Variants in E2F7 observed in about 807,000 individuals in gnomAD.
E2F7 encodes the protein E2F transcription factor 7.
E2F7 carries 35 observed loss-of-function variants against 81.1 expected under a neutral mutation model. That is an observed-to-expected ratio of 0.43 (90% CI 0.33 to 0.57). The LOEUF is 0.57. Among genes scored for constraint, E2F7 ranks in the 20% least tolerant of loss-of-function variants. The pLI, the probability that E2F7 is intolerant of heterozygous loss-of-function variation, is 0.04. For missense variants in E2F7, 961 were observed against 1,093.7 expected, an observed-to-expected ratio of 0.88 and a Z score of 1.71; for synonymous variants, 416 against 416.2, an observed-to-expected ratio of 1.00 and a Z score of 0.01.
rs750775173 is a variant in E2F7, at chr12:77,064,567, A to C, written c.69T>G (p.Val23=). The C allele has an allele frequency of 7.4e-6, 12 of 1,614,164 alleles. No homozygotes were observed. The South Asian group carries it at 1.1e-4, about 15-fold the overall frequency. Residue 23 remains valine (V), a synonymous_variant, in exon 2 of 13, where the codon GTT becomes GTG. Coordinates refer to ENST00000322886, the MANE Select transcript of E2F7 (RefSeq NM_203394.3). ...SPRQPRLDFA[V]EDGENAQKEN... is the part of the protein sequence containing the mutation. Reference sequence around the variant, plus strand: ...CCTTTTGTGCATTTTCCCCATCTTCAACTGCAAAATCTAGTCTGGGCTGCC... The same window carrying C: ...CCTTTTGTGCATTTTCCCCATCTTCCACTGCAAAATCTAGTCTGGGCTGCC...
At chr12:77,055,073 G>A (rs1396452575) in intron 3 of E2F7, among the ~76,000 whole-genome samples, 1 of 152,152 alleles carries the variant, frequency 6.6e-6, no homozygotes, top group African/African-American at 2.4e-5. Flanking sequence ...CAAGCACATA[G>A]GAACTACTGT....
intron 3 of E2F7, among the ~76,000 whole-genome samples, chr12:77,054,084 G>A (rs756832942): frequency 1.2e-4 from 18 of 152,106 alleles, no homozygotes; most frequent in Admixed American, 9.8e-4. Context: ...AGGGTAGAGG[G>A]TGAGAGGAGG....
rs1329975887 is a variant in E2F7 at position 77,028,077 on chromosome 12, G to A, written c.1946C>T (p.Pro649Leu). The change falls in exon 11 of 13, where the codon CCC becomes CTC. Residue 649 changes from proline to leucine, a missense_variant. Pro to Leu is a moderately conservative substitution (Grantham distance 98, BLOSUM62 -3). Coordinates refer to ENST00000322886, the MANE Select transcript of E2F7 (RefSeq NM_203394.3). ...GCCATTCACATGAATGTCTTTGAGG[G>A]GTATAGATGCCCTGTTACCCATAGT... ...PKTMGNRASI[P>L]LKDIHVNGQL... 6.2e-7 allele frequency: 1 copy of A among 1,614,190 alleles called. No individual in the cohort carries two copies. Among genetic ancestry groups the A allele is most frequent in the Non-Finnish European group, 8.5e-7 (1 of 1,180,040 alleles).
At chr12:77,036,744 ATTT>A (rs35187102) in intron 7 of E2F7, among the ~76,000 whole-genome samples, 1 of 136,068 alleles carries the variant, frequency 7.3e-6, no homozygotes. Flanking sequence ...AGAATTCTCC[ATTT>A]TTTTTTTTTT....
intron 4 of E2F7, 33 bp downstream of exon 4, chr12:77,050,543 A>G (rs1408844485): frequency 6.2e-7 from 1 of 1,606,646 alleles, no homozygotes; most frequent in Non-Finnish European, 8.5e-7. Flanking sequence ...CTGTAACTGG[A>G]GACAGACCTC....
Position 77,027,979 on chromosome 12 carries a change from G to A in E2F7, c.2044C>T (p.Pro682Ser). The A allele has an allele frequency of 6.2e-7, 1 of 1,614,152 alleles. No individual in the cohort carries two copies. The highest frequency in any genetic ancestry group is 8.5e-7 in the Non-Finnish European group (1 of 1,180,046). ...NSLVSSEWGN[P>S]SRNTDVEKPS... ...TTTTCAACATCTGTATTTCTTGAAG[G>A]ATTTCCCCACTCAGAAGAAACAAGA... Residue 682 changes from proline (P) to serine (S), a missense_variant, in exon 11 of 13, where the codon CCT becomes TCT. Pro to Ser is a moderately conservative substitution (Grantham distance 74). Transcript: ENST00000322886.
At chr12:77,057,073 G>A (rs1027002250) in intron 2 of E2F7, among the ~76,000 whole-genome samples, 1 of 151,770 alleles carries the variant, frequency 6.6e-6, no homozygotes, top group African/African-American at 2.4e-5. Context: ...ATTTTTTGGA[G>A]ATAGGGTCTC....
chr12:77,057,246 T>C (rs1420061244), intron 2 of E2F7, among the ~76,000 whole-genome samples: 1 of 152,048 alleles, frequency 6.6e-6, no homozygotes, highest in African/African-American at 2.4e-5. Context: ...AGCTAATTTT[T>C]AAAATTTTGT....
chr12:77,041,440 C>G (rs751111111), intron 7 of E2F7, among the ~76,000 whole-genome samples: 1 of 152,140 alleles, frequency 6.6e-6, no homozygotes, highest in Non-Finnish European at 1.5e-5. Context: ...ATCTGCCTGC[C>G]GTGGCCTCCC....
chr12:77,026,025 A>C (rs1281007346), intron 11 of E2F7, 43 bp from the exon 12 acceptor site: 2 of 1,542,808 alleles, frequency 1.3e-6, no homozygotes, highest in African/African-American at 2.8e-5. Context: ...ATATGTCATC[A>C]TGAGGATATC....
chr12:77,059,653 G>C (rs1470293796), intron 2 of E2F7, among the ~76,000 whole-genome samples: 1 of 152,072 alleles, frequency 6.6e-6, no homozygotes, highest in East Asian at 1.9e-4. Flanking sequence ...ACCACTTCCT[G>C]GGAAGCCTCT....
At chr12:77,053,972 A>C (rs989387689) in intron 3 of E2F7, among the ~76,000 whole-genome samples, 2 of 152,188 alleles carry the variant, frequency 1.3e-5, no homozygotes, top group African/African-American at 4.8e-5. Flanking sequence ...AGTCTATCAA[A>C]AGGTAATAAA....
At position 77,047,101 on chromosome 12, in the gene E2F7, G is replaced by A. The variant is rs12581546; in HGVS notation, c.539-773C>T. ...CAGTACAAGCTGATCACGAAGCTCCGCAGCTCACTACTCACTTTCCCAACA... is the reference window on the plus strand; with the variant it reads ...CAGTACAAGCTGATCACGAAGCTCCACAGCTCACTACTCACTTTCCCAACA... On this transcript the variant is annotated intron_variant, in intron 4 of 12. Transcript: ENST00000322886. 3.7e-4 allele frequency among the ~76,000 whole-genome samples: 57 copies of A among 152,138 alleles called. 1 individual carries two copies. Among genetic ancestry groups the A allele is most frequent in the East Asian group, 3.3e-3 (17 of 5,178 alleles).
chr12:77,034,125 C>G, intron 7 of E2F7, 83 bp from the exon 8 acceptor site: 3 of 1,211,210 alleles, frequency 2.5e-6, no homozygotes, highest in Non-Finnish European at 3.4e-6. Flanking sequence ...TGGCTTTGAA[C>G]CTATAATTGT....
At position 77,022,948 on chromosome 12, in the gene E2F7, C is replaced by A. The variant is rs1027275931; in HGVS notation, c.*1067G>T. 2 of 152,190 alleles carry A rather than the reference C, an allele frequency of 1.3e-5. No individual in the cohort carries two copies. Among genetic ancestry groups the A allele is most frequent in the African/African-American group, 4.8e-5 (2 of 41,432 alleles). The allele number at this position is 152,190 out of a possible 1,614,324, so 9.4% of individuals were successfully genotyped here. ...AAACATATGTCCATTTTCCCTCTTA[C>A]TCTTCTGGACATGAAGTAGAAGAAA... On this transcript the variant is annotated 3_prime_UTR_variant, in exon 13 of 13. Transcript: ENST00000322886.
chr12:77,046,363 A>C, intron 4 of E2F7, 35 bp from the exon 5 acceptor site: 2 of 1,587,164 alleles, frequency 1.3e-6, no homozygotes, highest in Non-Finnish European at 1.7e-6. Flanking sequence ...GACATCATGC[A>C]GACAAACATT....
Position 77,030,049 on chromosome 12 carries a change from T to C in E2F7, c.1666A>G (p.Met556Val), listed in dbSNP as rs750046616. Residue 556 changes from methionine (M) to valine (V), a missense_variant, in exon 10 of 13, where the codon ATG becomes GTG. Met to Val is a conservative substitution (Grantham distance 21). This residue lies in a region of E2F7 where 587 missense variants were observed against 620.3 expected (regional missense o/e 0.95). Transcript: ENST00000322886. ...LVYVPSASLF[M>V]LYGSLQEGPA... Reference sequence around the variant, plus strand: ...CCCTCCTGCAGACTTCCATACAGCATGAACAGTGAGGCAGAGGGCACATAC... The same window carrying C: ...CCCTCCTGCAGACTTCCATACAGCACGAACAGTGAGGCAGAGGGCACATAC... 1.9e-6 allele frequency: 3 copies of C among 1,614,112 alleles called. No individual in the cohort carries two copies. The highest frequency in any genetic ancestry group is 1.3e-5 in the African/African-American group (1 of 75,026).
chr12:77,030,541 G>A (rs554816203), intron 9 of E2F7, among the ~76,000 whole-genome samples: 152 of 152,244 alleles, frequency 1.0e-3, no homozygotes, highest in African/African-American at 3.5e-3. Context: ...TGGGAGAGCC[G>A]AAGTGGGAAG....
intron 2 of E2F7, among the ~76,000 whole-genome samples, chr12:77,056,889 T>C (rs1225971199): frequency 1.9e-5 from 1 of 52,006 alleles, no homozygotes; most frequent in Non-Finnish European, 4.6e-5. Flanking sequence ...TTTTTCTTAC[T>C]TTTTTTTTTT....
Sources: allele counts gnomAD v4.1 joint callset (sites outside exome capture counted in the v4.1 genomes callset), GRCh38; gene constraint gnomAD v4.1.1; regional missense constraint gnomAD v4.1.1; transcripts MANE v1.5; gene names NCBI Gene and HGNC (gene_info 2026-07-23, HGNC 2026-07-21).